RYR2: variants seen among roughly 807,000 people sequenced by gnomAD.
RYR2 encodes the protein cardiac muscle ryanodine receptor-calcium release channel.
Under a neutral mutation model 601.1 loss-of-function variants are expected in RYR2, and 227 were observed. The observed-to-expected ratio is 0.38, with a 90% CI of 0.34 to 0.42. RYR2 has a LOEUF of 0.42. Ranked by LOEUF, RYR2 falls within the 10% of genes least tolerant of loss-of-function variation. The probability of loss-of-function intolerance (pLI) is 1.00; values close to 1 mark genes in which losing one functional copy is unlikely to be tolerated. For missense variants in RYR2, 4,646 were observed against 6,156.5 expected, an observed-to-expected ratio of 0.75 and a Z score of 8.21; for synonymous variants, 2,223 against 2,175.1, an observed-to-expected ratio of 1.02 and a Z score of -0.61.
intron 63 of RYR2, among the ~76,000 whole-genome samples, chr1:237,696,690 TTC>T (rs1249321072): frequency 7.6e-5 from 11 of 144,720 alleles, no homozygotes; most frequent in African/African-American, 2.5e-4. Context: ...CTTCTTCTCG[TTC>T]TCTTTCTACA....
intron 3 of RYR2, among the ~76,000 whole-genome samples, chr1:237,346,672 C>G (rs1490600463): frequency 1.3e-5 from 2 of 152,066 alleles, no homozygotes; most frequent in Non-Finnish European, 2.9e-5. Context: ...CCTAATACTG[C>G]AAAACCAGAG....
intron 1 of RYR2, among the ~76,000 whole-genome samples, chr1:237,251,842 C>T (rs1687495629): frequency 6.6e-6 from 1 of 152,178 alleles, no homozygotes; most frequent in Non-Finnish European, 1.5e-5. Context: ...ACTGCCTTTC[C>T]CACAGTATTC....
chr1:237,542,915 G>T lies in RYR2; in HGVS notation c.2907-5516G>T, dbSNP rs1208250616. Among the ~76,000 whole-genome samples, 3 of 152,020 alleles carry T rather than the reference G, an allele frequency of 2.0e-5. No individual in the cohort carries two copies. The East Asian group carries it at 5.9e-4, about 30-fold the overall frequency. On this transcript the variant is annotated intron_variant, in intron 25 of 104. Coordinates refer to ENST00000366574, the MANE Select transcript of RYR2 (RefSeq NM_001035.3). Reference sequence around the variant, plus strand: ...CTGCGATCTATCTGGTCCTCACTTGGGCAGAAGGCTGGGGAGAACTTGCCT... The same window carrying T: ...CTGCGATCTATCTGGTCCTCACTTGTGCAGAAGGCTGGGGAGAACTTGCCT...
chr1:237,656,194 A>G lies in RYR2; in HGVS notation c.8129+210A>G, dbSNP rs115178041. Among the ~76,000 whole-genome samples the G allele has an allele frequency of 9.8e-3, 1,487 of 152,228 alleles. 22 individuals carry two copies. The highest frequency in any genetic ancestry group is 0.032 in the African/African-American group (1,334 of 41,538). ...ATAGATAAGATGTACCTTCTAGGAT[A>G]CTCTTAACACAATCAAGACTCTGTA... is the stretch of plus-strand genomic sequence containing the variant. On this transcript the variant is annotated intron_variant, in intron 53 of 104. Transcript: ENST00000366574.
rs1695075533 is a variant in RYR2, at chr1:237,316,024, T to A, written c.169-14854T>A. On this transcript the variant is annotated intron_variant, in intron 2 of 104. Transcript: ENST00000366574. ...GTAGAAGGGACTGGAGATGAAGAGA[T>A]GGGGGCAGGGGGATCAGGTTAGAGA... Among the ~76,000 whole-genome samples, 3 of 152,008 alleles carry A rather than the reference T, an allele frequency of 2.0e-5. No individual in the cohort carries two copies. The South Asian group carries it at 6.2e-4, about 32-fold the overall frequency.
At chr1:237,493,988 A>G (rs1392950348) in intron 19 of RYR2, among the ~76,000 whole-genome samples, 1 of 152,148 alleles carries the variant, frequency 6.6e-6, no homozygotes, top group Non-Finnish European at 1.5e-5. Context: ...TTATAGACGA[A>G]AAAACTGGAA....
intron 87 of RYR2, 117 bp from the exon 88 acceptor site, chr1:237,778,549 T>C: frequency 2.1e-6 from 1 of 479,114 alleles, no homozygotes; most frequent in Admixed American, 3.6e-5. Flanking sequence ...TCTTTTCAGA[T>C]AACGTGCTAG....
chr1:237,546,997 T>TATATATATATATA lies in RYR2; in HGVS notation c.2907-1434_2907-1433insATATATATATATA, dbSNP rs58050661. Reference sequence around the variant, plus strand: ...AAAGCATATATATATATATATATATTTATTTATTTATTTATTTATTTATTT... The same window carrying TATATATATATATA: ...AAAGCATATATATATATATATATATTATATATATATATATATTTATTTATTTATTTATTTATTT... On this transcript the variant is annotated intron_variant, in intron 25 of 104. Transcript: ENST00000366574. Among the ~76,000 whole-genome samples the TATATATATATATA allele has an allele frequency of 8.7e-3, 722 of 82,650 alleles. 2 individuals carry two copies. The highest frequency in any genetic ancestry group is 0.015 in the South Asian group (40 of 2,702). The allele number at this position is 82,650 out of a possible 152,430, so 54.2% of individuals were successfully genotyped here.
At chr1:237,479,931 A>C (rs2150357792) in intron 17 of RYR2, among the ~76,000 whole-genome samples, 1 of 152,302 alleles carries the variant, frequency 6.6e-6, no homozygotes, top group East Asian at 1.9e-4. Context: ...AAGGAAACTA[A>C]TGAACCTAGG....
intron 1 of RYR2, among the ~76,000 whole-genome samples, chr1:237,263,316 A>G (rs1041436567): frequency 2.1e-4 from 32 of 152,226 alleles, no homozygotes; most frequent in African/African-American, 7.7e-4. Flanking sequence ...GGATTGTGAT[A>G]AGCAATCACT....
At chr1:237,393,136 G>A (rs1004395275) in intron 10 of RYR2, among the ~76,000 whole-genome samples, 1 of 152,082 alleles carries the variant, frequency 6.6e-6, no homozygotes, top group Non-Finnish European at 1.5e-5. Context: ...CGGAGAGGTG[G>A]GGAGAGAAGG....
chr1:237,273,052 A>C (rs1036580192), intron 2 of RYR2, among the ~76,000 whole-genome samples: 1 of 152,152 alleles, frequency 6.6e-6, no homozygotes, highest in Non-Finnish European at 1.5e-5. Flanking sequence ...AGCACATTAC[A>C]TTTATTGTGC....
chr1:237,427,973 A>ACCT (rs1706367023), intron 12 of RYR2, among the ~76,000 whole-genome samples: 1 of 152,086 alleles, frequency 6.6e-6, no homozygotes, highest in Admixed American at 6.6e-5. Context: ...AAAAGAAGAT[A>ACCT]TTTATGTGGC....
chr1:237,530,387 A>T (rs748414414), intron 24 of RYR2, 40 bp from the exon 25 acceptor site: 7 of 1,446,414 alleles, frequency 4.8e-6, no homozygotes, highest in Non-Finnish European at 5.8e-6. Context: ...CTGGACATAG[A>T]GAAGAAATGA....
chr1:237,110,754 A>G (rs1052813904), intron 1 of RYR2, among the ~76,000 whole-genome samples: 36 of 152,176 alleles, frequency 2.4e-4, no homozygotes, highest in African/African-American at 8.2e-4. Flanking sequence ...CGGGGTACCA[A>G]TGCTCTGAAA....
intron 12 of RYR2, among the ~76,000 whole-genome samples, chr1:237,432,701 T>C (rs535688775): frequency 1.3e-5 from 2 of 152,250 alleles, no homozygotes; most frequent in East Asian, 3.9e-4. Context: ...AAGACTATAG[T>C]CTGGAGCTGG....
intron 1 of RYR2, chr1:237,120,824 G>C (rs1670686815): frequency 6.6e-6 from 1 of 152,388 alleles, no homozygotes; most frequent in South Asian, 2.1e-4. Flanking sequence ...GGAGCAATCT[G>C]TGTGGTACAT....
At chr1:237,642,151 C>T (rs984269264) in intron 47 of RYR2, among the ~76,000 whole-genome samples, 3 of 152,094 alleles carry the variant, frequency 2.0e-5, no homozygotes, top group African/African-American at 7.2e-5. Context: ...TCTTACAAAG[C>T]ACCTTTTTCT....
intron 2 of RYR2, among the ~76,000 whole-genome samples, chr1:237,301,780 TAA>T (rs1285727624): frequency 2.0e-5 from 3 of 152,172 alleles, no homozygotes; most frequent in African/African-American, 7.2e-5. Flanking sequence ...ATGGTAGAAT[TAA>T]GAGTTATCAT....
Sources: allele counts gnomAD v4.1 joint callset (sites outside exome capture counted in the v4.1 genomes callset), GRCh38; gene constraint gnomAD v4.1.1; transcripts MANE v1.5; gene names NCBI Gene and HGNC (gene_info 2026-07-23, HGNC 2026-07-21).